MACROD2: variants seen among roughly 807,000 people sequenced by gnomAD.
MACROD2 encodes ADP-ribose glycohydrolase MACROD2.
In MACROD2, 36 loss-of-function variants were observed where a neutral mutation model predicts 70.4. That is an observed-to-expected ratio of 0.51 (90% CI 0.39 to 0.68). The LOEUF (loss-of-function observed/expected upper bound fraction) is 0.68. Among genes scored for constraint, MACROD2 ranks in the 30% least tolerant of loss-of-function variants. The pLI is 0.00. For missense variants in MACROD2, 496 were observed against 538.4 expected (o/e 0.92, Z 0.78); for synonymous variants, 172 against 178.8 (o/e 0.96, Z 0.30).
chr20:15,567,138 C>G (rs138523275), intron 8 of MACROD2, among the ~76,000 whole-genome samples: 2,065 of 150,204 alleles, frequency 0.014, 67 homozygotes, highest in South Asian at 0.13. Flanking sequence ...TACACTGGCT[C>G]TAGTTAAAAT....
chr20:15,013,542 T>C (rs2075099069), intron 5 of MACROD2, among the ~76,000 whole-genome samples: 1 of 152,120 alleles, frequency 6.6e-6, no homozygotes, highest in African/African-American at 2.4e-5. Context: ...GCCACCTTTT[T>C]GGCATAATCC....
At chr20:14,188,438 G>T (rs1387115139) in intron 3 of MACROD2, among the ~76,000 whole-genome samples, 1 of 152,052 alleles carries the variant, frequency 6.6e-6, no homozygotes, top group Non-Finnish European at 1.5e-5. Context: ...TGTTTCTTTA[G>T]ATAATATTCC....
At position 15,765,477 on chromosome 20, in the gene MACROD2, C is replaced by T. The variant is rs142360677; in HGVS notation, c.646-97268C>T. ...CATAACAGAAACATTCATTATTGAA[C>T]GGTGTATTGTTCAGGTTTGTAAATG... is the stretch of plus-strand genomic sequence containing the variant. On this transcript the variant is annotated intron_variant, in intron 8 of 17. Transcript: ENST00000684519. Among the ~76,000 whole-genome samples the T allele has an allele frequency of 2.8e-3, 429 of 152,226 alleles. 1 individual carries two copies. The highest frequency in any genetic ancestry group is 9.2e-3 in the African/African-American group (384 of 41,536).
intron 8 of MACROD2, among the ~76,000 whole-genome samples, chr20:15,582,237 C>T (rs2048535627): frequency 6.6e-6 from 1 of 152,150 alleles, no homozygotes; most frequent in Admixed American, 6.5e-5. Flanking sequence ...AACAGGGAGC[C>T]ACTCACCAAT....
At chr20:15,860,858 T>C (rs2064415549) in intron 8 of MACROD2, among the ~76,000 whole-genome samples, 2 of 152,196 alleles carry the variant, frequency 1.3e-5, no homozygotes, top group Admixed American at 1.3e-4. Flanking sequence ...CAGCGATTCA[T>C]GAATTGGGCA....
chr20:15,423,802 T>C (rs1465738676), intron 6 of MACROD2, among the ~76,000 whole-genome samples: 1 of 152,108 alleles, frequency 6.6e-6, no homozygotes, highest in Non-Finnish European at 1.5e-5. Flanking sequence ...ATTGCATTTA[T>C]ACTACTCCCC....
chr20:14,491,839 A>G (rs993230931), intron 3 of MACROD2, among the ~76,000 whole-genome samples: 4 of 152,198 alleles, frequency 2.6e-5, no homozygotes, highest in African/African-American at 9.7e-5. Flanking sequence ...TTGGAGGACA[A>G]CAGATGGAGT....
At chr20:14,160,955 T>C (rs2148717410) in intron 3 of MACROD2, among the ~76,000 whole-genome samples, 1 of 152,264 alleles carries the variant, frequency 6.6e-6, no homozygotes, top group Middle Eastern at 3.4e-3. Context: ...GTGAACATTG[T>C]ACCCAATAGG....
intron 12 of MACROD2, among the ~76,000 whole-genome samples, chr20:15,955,224 C>A (rs1447504528): frequency 1.3e-5 from 2 of 152,062 alleles, no homozygotes; most frequent in Non-Finnish European, 2.9e-5. Flanking sequence ...AATGAATAAA[C>A]CCAATTGACT....
chr20:15,251,543 A>G (rs1472926368), intron 6 of MACROD2, among the ~76,000 whole-genome samples: 1 of 152,240 alleles, frequency 6.6e-6, no homozygotes, highest in Non-Finnish European at 1.5e-5. Context: ...TGTAAGTTGC[A>G]TCAACGTCAG....
chr20:14,835,461 G>A (rs1195705821), intron 5 of MACROD2, among the ~76,000 whole-genome samples: 2 of 152,004 alleles, frequency 1.3e-5, no homozygotes. Flanking sequence ...CCATTGCCTG[G>A]GCTCAGCCAT....
intron 3 of MACROD2, among the ~76,000 whole-genome samples, chr20:14,309,893 T>A (rs2082551504): frequency 6.6e-6 from 1 of 152,222 alleles, no homozygotes; most frequent in Non-Finnish European, 1.5e-5. Flanking sequence ...ATATCAGTGC[T>A]ATTTTTATGT....
chr20:14,057,047 G>T (rs182008187), intron 2 of MACROD2, among the ~76,000 whole-genome samples: 5 of 152,012 alleles, frequency 3.3e-5, no homozygotes, highest in Non-Finnish European at 4.4e-5. Flanking sequence ...CTTATCATGT[G>T]GATATCCAAA....
chr20:15,096,116 T>C lies in MACROD2; in HGVS notation c.419-133824T>C, dbSNP rs1020399499. Among the ~76,000 whole-genome samples the C allele has an allele frequency of 4.6e-5, 7 of 152,180 alleles. No individual in the cohort carries two copies. The East Asian group carries it at 1.4e-3, about 29-fold the overall frequency. On this transcript the variant is annotated intron_variant, in intron 5 of 17. Coordinates refer to ENST00000684519, the MANE Select transcript of MACROD2 (RefSeq NM_001351661.2). Reference sequence around the variant, plus strand: ...GTAGAACCGTGAAGGTAGATACAATTAAAGTTCTGAGAAATGAAAAGACAC... The same window carrying C: ...GTAGAACCGTGAAGGTAGATACAATCAAAGTTCTGAGAAATGAAAAGACAC...
intron 5 of MACROD2, among the ~76,000 whole-genome samples, chr20:15,224,062 G>C: frequency 6.6e-6 from 1 of 152,168 alleles, no homozygotes; most frequent in East Asian, 1.9e-4. Flanking sequence ...CATGAAGAGA[G>C]AAAGATGTCA....
chr20:14,028,455 G>T (rs1405836474), intron 2 of MACROD2, among the ~76,000 whole-genome samples: 1 of 152,054 alleles, frequency 6.6e-6, no homozygotes, highest in Non-Finnish European at 1.5e-5. Context: ...GGCGTTCCAG[G>T]CGCCACTGGG....
At chr20:15,944,742 A>G (rs2065797841) in intron 12 of MACROD2, among the ~76,000 whole-genome samples, 1 of 152,114 alleles carries the variant, frequency 6.6e-6, no homozygotes, top group African/African-American at 2.4e-5. Context: ...TGGTTGTTTA[A>G]TTAGTATATT....
chr20:15,795,952 A>G (rs1297852636), intron 8 of MACROD2, among the ~76,000 whole-genome samples: 1 of 152,192 alleles, frequency 6.6e-6, no homozygotes, highest in Non-Finnish European at 1.5e-5. Context: ...CTCTGTGGTC[A>G]TAAGAGGCTG....
intron 8 of MACROD2, among the ~76,000 whole-genome samples, chr20:15,604,027 GC>G (rs765787976): frequency 1.9e-4 from 29 of 152,088 alleles, no homozygotes; most frequent in Non-Finnish European, 2.6e-4. Flanking sequence ...CCAGAATTAG[GC>G]AACTGCTTTT....
Sources: gnomAD v4.1 joint callset for allele counts (sites outside exome capture counted in the v4.1 genomes callset) on GRCh38, gnomAD v4.1.1 for gene constraint, MANE v1.5 for transcripts, NCBI Gene and HGNC (gene_info 2026-07-23, HGNC 2026-07-21) for gene names.